The following SLC35F4 variants were observed in gnomAD, a reference collection of about 807,000 sequenced individuals.
SLC35F4 encodes the protein chromosome 14 open reading frame 36.
A neutral mutation model predicts 44.2 loss-of-function variants in SLC35F4; 24 were observed. That is an observed-to-expected ratio of 0.54 (90% CI 0.39 to 0.76). SLC35F4 has a LOEUF of 0.76. Among genes scored for constraint, SLC35F4 ranks in the 30% least tolerant of loss-of-function variants. The pLI is 0.00. For synonymous variants in SLC35F4, 238 were observed against 223.6 expected (o/e 1.06, Z -0.57); for missense variants, 562 against 586.1 (o/e 0.96, Z 0.42).
intron 1 of SLC35F4, among the ~76,000 whole-genome samples, chr14:57,695,382 A>G (rs1376823972): frequency 6.6e-6 from 1 of 151,604 alleles, no homozygotes; most frequent in Non-Finnish European, 1.5e-5. Context: ...ACACTTCTCA[A>G]AAGAAGACAT....
intron 1 of SLC35F4, among the ~76,000 whole-genome samples, chr14:57,862,773 T>C (rs1203369878): frequency 6.6e-6 from 1 of 152,244 alleles, no homozygotes; most frequent in Non-Finnish European, 1.5e-5. Flanking sequence ...GAATATTTTA[T>C]CCTTTTTATC....
intron 1 of SLC35F4, among the ~76,000 whole-genome samples, chr14:57,778,095 T>C (rs114229944): frequency 0.01 from 1,583 of 152,116 alleles, 26 homozygotes; most frequent in African/African-American, 0.036. Flanking sequence ...AGTAAATGAG[T>C]CTAACAAGAT....
intron 1 of SLC35F4, among the ~76,000 whole-genome samples, chr14:57,756,259 G>T (rs983781040): frequency 1.3e-5 from 2 of 152,030 alleles, no homozygotes; most frequent in African/African-American, 2.4e-5. Flanking sequence ...CCTTTTGGTG[G>T]TATTTTCCTT....
intron 1 of SLC35F4, among the ~76,000 whole-genome samples, chr14:57,815,381 G>A (rs895062622): frequency 3.7e-4 from 56 of 152,176 alleles, no homozygotes; most frequent in African/African-American, 1.3e-3. Flanking sequence ...ACGGGAAGTA[G>A]AAGATATGGG....
At chr14:57,845,873 T>G (rs2140972880) in intron 1 of SLC35F4, among the ~76,000 whole-genome samples, 1 of 152,322 alleles carries the variant, frequency 6.6e-6, no homozygotes, top group Admixed American at 6.5e-5. Context: ...TCCCCTTCTC[T>G]TCTCACTTCT....
intron 1 of SLC35F4, among the ~76,000 whole-genome samples, chr14:57,691,693 T>C (rs1389375676): frequency 6.6e-6 from 1 of 152,214 alleles, no homozygotes; most frequent in Non-Finnish European, 1.5e-5. Flanking sequence ...ATTTAGTGAC[T>C]GCCATTTAAA....
chr14:57,853,807 C>T (rs938804062), intron 1 of SLC35F4, among the ~76,000 whole-genome samples: 30 of 152,304 alleles, frequency 2.0e-4, no homozygotes, highest in African/African-American at 7.0e-4. Context: ...GTTCTCCCCA[C>T]AGCCCTCCAG....
At chr14:57,738,902 T>C (rs1305833435) in intron 1 of SLC35F4, among the ~76,000 whole-genome samples, 2 of 150,900 alleles carry the variant, frequency 1.3e-5, no homozygotes, top group Admixed American at 6.6e-5. Flanking sequence ...CTGTCAAAAA[T>C]GTGATTCAGG....
rs567893644 is a variant in SLC35F4, at chr14:57,882,023, G to A, written n.282+99890C>T. 9.2e-5 allele frequency among the ~76,000 whole-genome samples: 14 copies of A among 152,178 alleles called. 1 individual carries two copies. Among genetic ancestry groups the A allele is most frequent in the East Asian group, 3.9e-4 (2 of 5,172 alleles). ...TCTTGCTGGGTCTCCAGGTGACCAC[G>A]GCCTCCCATATGCCCTTCATCCAGA... On this transcript the variant is annotated intron_variant and non_coding_transcript_variant, in intron 1 of 1. Transcript: ENST00000556568.
chr14:57,675,970 T>C (rs376302718), intron 1 of SLC35F4, among the ~76,000 whole-genome samples: 14 of 151,880 alleles, frequency 9.2e-5, no homozygotes, highest in East Asian at 5.8e-4. Flanking sequence ...AATAAATAAA[T>C]GGGACCCAAT....
chr14:57,903,801 T>A (rs1257597544), intron 1 of SLC35F4, among the ~76,000 whole-genome samples: 1 of 152,190 alleles, frequency 6.6e-6, no homozygotes, highest in Non-Finnish European at 1.5e-5. Flanking sequence ...AGCTTATCAG[T>A]GAGATTGGAG....
At chr14:57,778,606 A>G (rs965974883) in intron 1 of SLC35F4, among the ~76,000 whole-genome samples, 12 of 152,132 alleles carry the variant, frequency 7.9e-5, no homozygotes, top group Non-Finnish European at 1.8e-4. Flanking sequence ...CCTGAACTCG[A>G]CACTGGACCA....
intron 1 of SLC35F4, among the ~76,000 whole-genome samples, chr14:57,734,816 T>C (rs1487898350): frequency 6.6e-6 from 1 of 152,200 alleles, no homozygotes; most frequent in Non-Finnish European, 1.5e-5. Context: ...AGGTCCACTG[T>C]CATATTTCAA....
intron 1 of SLC35F4, among the ~76,000 whole-genome samples, chr14:57,907,286 G>A (rs1174432743): frequency 6.6e-6 from 1 of 152,158 alleles, no homozygotes; most frequent in Non-Finnish European, 1.5e-5. Context: ...ACAGTTTAGT[G>A]TAAACATAAC....
At chr14:57,962,624 G>A (rs538591336) in intron 1 of SLC35F4, among the ~76,000 whole-genome samples, 3 of 152,326 alleles carry the variant, frequency 2.0e-5, no homozygotes, top group East Asian at 1.9e-4. Context: ...AGGGATGAAA[G>A]GTCCATTAAA....
chr14:57,857,560 C>T (rs1459442804), intron 1 of SLC35F4, among the ~76,000 whole-genome samples: 1 of 151,904 alleles, frequency 6.6e-6, no homozygotes, highest in African/African-American at 2.4e-5. Flanking sequence ...TTCGTTAGCA[C>T]AATAAACTTT....
chr14:57,703,360 A>G (rs1007604175), intron 1 of SLC35F4, among the ~76,000 whole-genome samples: 3 of 152,206 alleles, frequency 2.0e-5, no homozygotes, highest in African/African-American at 7.2e-5. Flanking sequence ...ACAATTTGCA[A>G]GTTTGCAGTG....
At chr14:57,932,400 G>A (rs1889714806) in intron 1 of SLC35F4, among the ~76,000 whole-genome samples, 1 of 152,148 alleles carries the variant, frequency 6.6e-6, no homozygotes, top group South Asian at 2.1e-4. Flanking sequence ...TTTTTTCACA[G>A]TCATAGTTTT....
At chr14:57,591,773 T>C (rs2070197600) in intron 2 of SLC35F4, among the ~76,000 whole-genome samples, 1 of 152,220 alleles carries the variant, frequency 6.6e-6, no homozygotes, top group African/African-American at 2.4e-5. Flanking sequence ...ATTTAAAAAG[T>C]GATACTTAAG....
Sources: allele counts gnomAD v4.1 joint callset (sites outside exome capture counted in the v4.1 genomes callset), GRCh38; gene constraint gnomAD v4.1.1; transcripts MANE v1.5; gene names NCBI Gene and HGNC (gene_info 2026-07-23, HGNC 2026-07-21).